Variants in EPS15 observed in about 807,000 individuals in gnomAD.
The protein encoded by EPS15 is epidermal growth factor receptor pathway substrate 15.
A neutral mutation model predicts 113.8 loss-of-function variants in EPS15; 72 were observed. The ratio of observed to expected loss-of-function variants is 0.63; its 90% CI spans 0.52 to 0.77. The LOEUF is 0.77. Ranked by LOEUF, EPS15 falls within the 30% of genes least tolerant of loss-of-function variation. EPS15 has a pLI of 0.00. For synonymous variants in EPS15, 344 were observed against 363.4 expected (o/e 0.95, Z 0.61); for missense variants, 1,048 against 1,045.8 (o/e 1.00, Z -0.03).
chr1:51,365,783 T>A (rs1475161614), intron 22 of EPS15, among the ~76,000 whole-genome samples, 170 bp downstream of exon 22: 1 of 151,986 alleles, frequency 6.6e-6, no homozygotes, highest in Non-Finnish European at 1.5e-5. Flanking sequence ...TAAAGAAATA[T>A]GTCTACTTTA....
intron 21 of EPS15, among the ~76,000 whole-genome samples, chr1:51,381,720 TCAAAGAAAAATCA>T (rs1375735109): frequency 2.6e-5 from 4 of 151,728 alleles, no homozygotes; most frequent in Admixed American, 1.3e-4. Flanking sequence ...AACCAATTGG[TCAAAGAAAAATCA>T]CAAAGAAAAT....
At chr1:51,372,863 T>G in intron 21 of EPS15, 1 of 735,988 alleles carries the variant, frequency 1.4e-6, no homozygotes. Context: ...GAGGCTGAAC[T>G]CCAAGCTTCT....
At chr1:51,444,573 G>A (rs2148479053) in intron 11 of EPS15, among the ~76,000 whole-genome samples, 1 of 152,274 alleles carries the variant, frequency 6.6e-6, no homozygotes, top group Non-Finnish European at 1.5e-5. Context: ...AATTTTTATA[G>A]CTTTCCTTTT....
At chr1:51,474,404 C>A (rs1481617056) in intron 2 of EPS15, among the ~76,000 whole-genome samples, 2 of 152,118 alleles carry the variant, frequency 1.3e-5, no homozygotes, top group Non-Finnish European at 2.9e-5. Flanking sequence ...ACTTTCAGAC[C>A]ATATTGGTAG....
At chr1:51,376,526 T>G (rs1646804261) in intron 21 of EPS15, among the ~76,000 whole-genome samples, 1 of 152,074 alleles carries the variant, frequency 6.6e-6, no homozygotes, top group Admixed American at 6.5e-5. Flanking sequence ...CAGCCGTGTG[T>G]GGTGGCATGT....
rs200928268 is a variant in EPS15 at position 51,444,891 on chromosome 1, T to C, written c.952A>G (p.Lys318Glu). The change falls in exon 11 of 25, where the codon AAG (lysine) becomes GAG (glutamate). Residue 318 changes from lysine (K) to glutamate (E), a missense_variant and splice_region_variant. Coordinates refer to ENST00000371733, the MANE Select transcript of EPS15 (RefSeq NM_001981.3). ...IPPSDRASLQKNIIGSSPVAD... is the reference protein window; with the variant it reads ...IPPSDRASLQENIIGSSPVAD... ...GGTTTCCTTTTAAGCTTTCTTACCT[T>C]TTGTAAACTGGCCCTGTCTGATGGT... is the stretch of plus-strand genomic sequence containing the variant. 30 of 1,612,804 alleles carry C rather than the reference T, an allele frequency of 1.9e-5. No individual in the cohort carries two copies. The Admixed American group carries it at 3.7e-4, about 20-fold the overall frequency.
intron 1 of EPS15, among the ~76,000 whole-genome samples, chr1:51,501,928 C>T (rs960576821): frequency 6.6e-6 from 1 of 152,080 alleles, no homozygotes; most frequent in African/African-American, 2.4e-5. Context: ...TAAGGACCAC[C>T]CTCAAGAACC....
chr1:51,373,470 C>T (rs1045455188), intron 21 of EPS15, among the ~76,000 whole-genome samples: 1 of 152,206 alleles, frequency 6.6e-6, no homozygotes. Context: ...ATTTTTGGTA[C>T]TCCTCATTCT....
chr1:51,490,388 AC>A, intron 1 of EPS15: 1 of 357,170 alleles, frequency 2.8e-6, no homozygotes, highest in Non-Finnish European at 5.5e-6. Flanking sequence ...TCATGGTGAA[AC>A]CCCATCTCTA....
chr1:51,405,934 C>CT lies in EPS15; in HGVS notation c.1647dup (p.Glu550ArgfsTer3). ...GATTCCTGGTGTATGGGCTCAGACT[C>CT]TAGGTTGCTCTGGCCTTCAACATGT... is the stretch of plus-strand genomic sequence containing the variant. On this transcript the variant is annotated frameshift_variant, in exon 16 of 25. Coordinates refer to ENST00000371733, the MANE Select transcript of EPS15 (RefSeq NM_001981.3). LOFTEE classifies it high-confidence loss of function. 1 of 1,614,096 alleles carries CT rather than the reference C, an allele frequency of 6.2e-7. No individual in the cohort carries two copies. The highest frequency in any genetic ancestry group is 8.5e-7 in the Non-Finnish European group (1 of 1,179,990).
At chr1:51,504,804 A>T (rs925948278) in intron 1 of EPS15, among the ~76,000 whole-genome samples, 1 of 152,176 alleles carries the variant, frequency 6.6e-6, no homozygotes, top group Non-Finnish European at 1.5e-5. Context: ...TGCTGGTACA[A>T]ATATAAATGG....
At chr1:51,428,948 T>C (rs961685443) in intron 12 of EPS15, among the ~76,000 whole-genome samples, 1 of 152,002 alleles carries the variant, frequency 6.6e-6, no homozygotes, top group Admixed American at 6.6e-5. Flanking sequence ...CTGGAGTGCA[T>C]TGGTGTGATC....
intron 21 of EPS15, among the ~76,000 whole-genome samples, chr1:51,389,187 C>T (rs1647187947): frequency 6.6e-6 from 1 of 152,158 alleles, no homozygotes; most frequent in Admixed American, 6.5e-5. Flanking sequence ...TAAATGTAAT[C>T]CAGCATATAA....
chr1:51,497,847 C>G (rs1319169826), intron 1 of EPS15, among the ~76,000 whole-genome samples: 4 of 151,840 alleles, frequency 2.6e-5, no homozygotes, highest in African/African-American at 4.8e-5. Flanking sequence ...CATGGTGGTG[C>G]GCGCCTGTAG....
In EPS15 at chr1:51,354,346, C is replaced by T. The variant is rs1646170736; in HGVS notation, c.*2354G>A. Reference sequence around the variant, plus strand: ...TATTAATCTGTGCTGATTGTATGTACCTACTCCTCCTTGGACACAGCATGG... The same window carrying T: ...TATTAATCTGTGCTGATTGTATGTATCTACTCCTCCTTGGACACAGCATGG... On this transcript the variant is annotated 3_prime_UTR_variant, in exon 25 of 25. Transcript: ENST00000371733. The T allele has an allele frequency of 5.6e-6, 1 of 179,756 alleles. No homozygotes were observed. The highest frequency in any genetic ancestry group is 1.2e-5 in the Non-Finnish European group (1 of 83,912). The allele number at this position is 179,756 out of a possible 1,614,324, so 11.1% of individuals were successfully genotyped here.
intron 5 of EPS15, among the ~76,000 whole-genome samples, chr1:51,466,552 G>T (rs567333446): frequency 1.3e-5 from 2 of 151,486 alleles, no homozygotes. Context: ...GAACCTAGGG[G>T]GTGGAGGTTG....
intron 8 of EPS15, chr1:51,457,483 G>A (rs1654093874): frequency 7.2e-6 from 1 of 138,868 alleles, no homozygotes; most frequent in Non-Finnish European, 1.6e-5. Flanking sequence ...GAAGTGTTTT[G>A]GATTTTTTCG....
Position 51,390,549 on chromosome 1 carries a change from T to A in EPS15, c.2119+3832A>T, listed in dbSNP as rs1295451830. Among the ~76,000 whole-genome samples, 3 of 150,714 alleles carry A rather than the reference T, an allele frequency of 2.0e-5. No homozygotes were observed. In the East Asian group the frequency reaches 5.9e-4, roughly 29 times the overall value. ...AGGCAACCTACAAAATGGGAGAAAA[T>A]TTTTGCAACCTACTCATCTGACAAA... On this transcript the variant is annotated intron_variant, in intron 21 of 24. Transcript: ENST00000371733.
At chr1:51,487,639 G>GA (rs1280304949) in intron 1 of EPS15, among the ~76,000 whole-genome samples, 18 of 151,682 alleles carry the variant, frequency 1.2e-4, no homozygotes, top group Admixed American at 9.2e-4. Context: ...TGAATACAGG[G>GA]AAAAAAAACC....
Sources: gnomAD v4.1 joint callset for allele counts (sites outside exome capture counted in the v4.1 genomes callset) on GRCh38, gnomAD v4.1.1 for gene constraint, MANE v1.5 for transcripts, NCBI Gene and HGNC (gene_info 2026-07-23, HGNC 2026-07-21) for gene names.